The following CHD1L variants were observed in gnomAD, a reference collection of about 807,000 sequenced individuals.
CHD1L encodes the protein ATP-dependent chromatin remodeler CHD1L.
In CHD1L, 118 loss-of-function variants were observed where a neutral mutation model predicts 115.9. That is an observed-to-expected ratio of 1.02 (90% CI 0.88 to 1.19). The LOEUF (loss-of-function observed/expected upper bound fraction) is 1.19, where lower values mean the gene tolerates loss of function less well. Among genes scored for constraint, CHD1L ranks in the 50% most tolerant of loss-of-function variants. The pLI is 0.00. For missense variants in CHD1L, 1,179 were observed against 1,065.3 expected, an observed-to-expected ratio of 1.11 and a Z score of -1.49; for synonymous variants, 411 against 387.1, an observed-to-expected ratio of 1.06 and a Z score of -0.72.
At chr1:147,179,196 GAAGA>G in the CHD1L span, 1 of 1,614,142 alleles carries the variant, frequency 6.2e-7, no homozygotes, top group East Asian at 2.2e-5. Flanking sequence ...ATGGCAATCT[GAAGA>G]GATACCTGAA....
chr1:147,252,308 A>G (rs782599189), intron 1 of CHD1L, among the ~76,000 whole-genome samples: 11 of 152,200 alleles, frequency 7.2e-5, no homozygotes, highest in Non-Finnish European at 1.2e-4. Flanking sequence ...CTCATTTCCC[A>G]GAATGGACAC....
At chr1:147,290,411 G>A (rs1315545344) in intron 19 of CHD1L, among the ~76,000 whole-genome samples, 3 of 152,178 alleles carry the variant, frequency 2.0e-5, no homozygotes, top group African/African-American at 7.2e-5. Flanking sequence ...AAATGAGGAA[G>A]ATTACATACT....
intron 6 of CHD1L, among the ~76,000 whole-genome samples, chr1:147,261,619 A>G (rs1671974818): frequency 6.6e-6 from 1 of 152,096 alleles, no homozygotes; most frequent in Non-Finnish European, 1.5e-5. Context: ...CTAATTTAAA[A>G]CGGGAGGAGA....
At chr1:147,199,014 A>C in the CHD1L span, among the ~76,000 whole-genome samples, 323 of 152,290 alleles carry the variant, frequency 2.1e-3, 2 homozygotes, top group Non-Finnish European at 3.1e-3. Context: ...AAAGTTGCTG[A>C]GTGAAAATAA....
the CHD1L span, chr1:147,205,069 C>T: frequency 1.6e-6 from 1 of 623,054 alleles, no homozygotes; most frequent in Non-Finnish European, 2.8e-6. Flanking sequence ...TACCAGACTA[C>T]ATGCAAGTCC....
At position 147,272,273 on chromosome 1, in the gene CHD1L, C is replaced by G. The variant is rs1553953983; in HGVS notation, c.1262C>G (p.Thr421Ser). 6.2e-7 allele frequency: 1 copy of G among 1,610,610 alleles called. No individual in the cohort carries two copies. Among genetic ancestry groups the G allele is most frequent in the African/African-American group, 1.3e-5 (1 of 74,958 alleles). ...QQPIFVFLLS[T>S]RAGGVGMNLT... ...CCCATTTTCGTTTTTCTCCTGAGTA[C>G]TAGGGCAGGTAGGCTGCAAAGGCAT... Residue 421 changes from threonine to serine, a missense_variant, in exon 12 of 23, where the codon ACT becomes AGT. Physicochemically the swap from Thr to Ser is moderately conservative, Grantham distance 58. Transcript: ENST00000369258.
chr1:147,270,413 C>T (rs1412671476), intron 10 of CHD1L, among the ~76,000 whole-genome samples: 2 of 152,230 alleles, frequency 1.3e-5, no homozygotes, highest in East Asian at 3.9e-4. Context: ...TCAGACTTTT[C>T]AACCCATATA....
At chr1:147,223,860 G>T in the CHD1L span, 1 of 341,658 alleles carries the variant, frequency 2.9e-6, no homozygotes, top group South Asian at 2.4e-5. Context: ...CACAAGCACA[G>T]ACCAGAGACA....
chr1:147,191,086 T>C, the CHD1L span, among the ~76,000 whole-genome samples: 1 of 152,176 alleles, frequency 6.6e-6, no homozygotes, highest in African/African-American at 2.4e-5. Context: ...TCTATCGTTG[T>C]TGGACATTTG....
At chr1:147,244,979 T>C (rs1666125493) in intron 1 of CHD1L, among the ~76,000 whole-genome samples, 1 of 152,228 alleles carries the variant, frequency 6.6e-6, no homozygotes, top group African/African-American at 2.4e-5. Context: ...TAATATGCTA[T>C]CGTATTGTTT....
intron 17 of CHD1L, 25 bp from the exon 18 acceptor site, chr1:147,286,273 T>C: frequency 6.2e-7 from 1 of 1,608,248 alleles, no homozygotes; most frequent in Non-Finnish European, 8.5e-7. Flanking sequence ...TGGGTTAATT[T>C]CCTTTTGTCT....
At chr1:147,186,404 A>C in the CHD1L span, 1 of 902,330 alleles carries the variant, frequency 1.1e-6, no homozygotes, top group African/African-American at 1.8e-5. Context: ...AGATACATAC[A>C]ACTATTGTAG....
At chr1:147,233,582 C>T in the CHD1L span, among the ~76,000 whole-genome samples, 4 of 152,164 alleles carry the variant, frequency 2.6e-5, no homozygotes, top group East Asian at 1.9e-4. Context: ...GCCACCACCC[C>T]GTCTGGGAGG....
the CHD1L span, chr1:147,184,674 G>A: frequency 6.9e-7 from 1 of 1,454,208 alleles, no homozygotes; most frequent in Non-Finnish European, 9.1e-7. The surrounding 1 kb of genome is among the most constrained non-coding windows in gnomAD (Gnocchi z 4.4). Context: ...GAGGTAAAGT[G>A]GCCTTCTCAT....
intron 10 of CHD1L, 125 bp from the exon 11 acceptor site, chr1:147,270,807 C>A (rs587608707): frequency 5.3e-6 from 4 of 748,116 alleles, no homozygotes; most frequent in Admixed American, 4.4e-5. Context: ...ATAAATCATA[C>A]GACACTTATA....
chr1:147,262,465 C>G lies in CHD1L; in HGVS notation c.577-1957C>G, dbSNP rs140969449. Among the ~76,000 whole-genome samples, 895 of 152,244 alleles carry G rather than the reference C, an allele frequency of 5.9e-3. 4 individuals carry two copies. Among genetic ancestry groups the G allele is most frequent in the Non-Finnish European group, 9.3e-3 (632 of 68,008 alleles). ...GATCCCAAAATGGACCTAACTGAAT[C>G]AAAATGTTAATTTGTGTCATAGGGT... On this transcript the variant is annotated intron_variant, in intron 6 of 22. Coordinates refer to ENST00000369258, the MANE Select transcript of CHD1L (RefSeq NM_004284.6).
the CHD1L span, among the ~76,000 whole-genome samples, chr1:147,182,782 T>C: frequency 1.3e-5 from 2 of 152,190 alleles, no homozygotes; most frequent in African/African-American, 4.8e-5. Context: ...AAGGATGACA[T>C]ATATATACCC....
the CHD1L span, chr1:147,215,734 A>G: frequency 6.4e-7 from 1 of 1,554,050 alleles, no homozygotes; most frequent in Non-Finnish European, 8.7e-7. Context: ...AAACACAAAG[A>G]TACCCACACA....
upstream of CHD1L, chr1:147,242,643 G>A (rs587723590): frequency 7.2e-5 from 90 of 1,252,132 alleles, no homozygotes; most frequent in African/African-American, 1.2e-3. Context: ...GCCCCCGCGC[G>A]TTGGGAAGTT....
Sources: allele counts gnomAD v4.1 joint callset (sites outside exome capture counted in the v4.1 genomes callset), GRCh38; gene constraint gnomAD v4.1.1; non-coding constraint Gnocchi (gnomAD v3.1); transcripts MANE v1.5; gene names NCBI Gene and HGNC (gene_info 2026-07-23, HGNC 2026-07-21).